Variants in LINGO1 observed in about 807,000 individuals in gnomAD.
LINGO1 encodes the protein leucine rich repeat and Ig domain containing 1, also known as leucine-rich repeat and immunoglobulin-like domain-containing nogo receptor-interacting protein 1.
In LINGO1, 11 loss-of-function variants were observed where a neutral mutation model predicts 37.3. The observed-to-expected ratio is 0.29, with a 90% CI of 0.19 to 0.49. The LOEUF (loss-of-function observed/expected upper bound fraction) is 0.49, where lower values mean the gene tolerates loss of function less well. LINGO1 is among the 20% of genes least tolerant of loss of function. The pLI, the probability that LINGO1 is intolerant of heterozygous loss-of-function variation, is 0.99. For missense variants in LINGO1, 585 were observed against 878.2 expected (o/e 0.67, Z 4.22); for synonymous variants, 387 against 403.0 (o/e 0.96, Z 0.48).
chr15:77,696,687 G>A (rs2075699394), upstream of LINGO1, among the ~76,000 whole-genome samples: 1 of 152,182 alleles, frequency 6.6e-6, no homozygotes, highest in African/African-American at 2.4e-5. Context: ...TCACACCCTG[G>A]GCACCTACAG....
chr15:77,798,570 T>A (rs1228923551), intron 1 of LINGO1, among the ~76,000 whole-genome samples: 2 of 152,162 alleles, frequency 1.3e-5, no homozygotes, highest in African/African-American at 4.8e-5. Context: ...AGGCAGAGCG[T>A]GACAATGATT....
chr15:77,670,137 C>G (rs1295177024), intron 3 of LINGO1, among the ~76,000 whole-genome samples: 1 of 152,120 alleles, frequency 6.6e-6, no homozygotes, highest in Admixed American at 6.5e-5. Flanking sequence ...TATGAAATGT[C>G]TAGAATATGC....
intron 2 of LINGO1, among the ~76,000 whole-genome samples, chr15:77,723,170 A>T (rs1596156995): frequency 1.6e-5 from 2 of 122,108 alleles, no homozygotes; most frequent in South Asian, 6.1e-4. Context: ...CCAGACAGGC[A>T]CTGAGGGGAG....
intron 3 of LINGO1, among the ~76,000 whole-genome samples, chr15:77,645,492 G>A (rs1258202815): frequency 6.6e-6 from 1 of 150,988 alleles, no homozygotes; most frequent in African/African-American, 2.5e-5. Context: ...TGAAGGTAGA[G>A]CGAGGTGGAC....
rs2076653137 is a variant in LINGO1, at chr15:77,776,530, G to GGAAGGCAGGA, written c.-257+10338_-257+10339insTCCTGCCTTC. 1.8e-3 allele frequency among the ~76,000 whole-genome samples: 61 copies of GGAAGGCAGGA among 34,364 alleles called. 1 individual carries two copies. Among genetic ancestry groups the GGAAGGCAGGA allele is most frequent in the East Asian group, 0.012 (17 of 1,434 alleles). 22.5% of individuals were successfully genotyped at this position (34,364 alleles called of 152,430 possible). On this transcript the variant is annotated intron_variant, in intron 1 of 3. Transcript: ENST00000561686. The stretch of plus-strand genomic sequence containing the variant: ...GCAGGAAGGCAGGAAGGGAGGAAGG[G>GGAAGGCAGGA]AGGGAGGGAGGGAGGGAGGGAGGGA...
At chr15:77,745,656 G>A (rs1596182467) in intron 1 of LINGO1, among the ~76,000 whole-genome samples, 1 of 152,154 alleles carries the variant, frequency 6.6e-6, no homozygotes, top group African/African-American at 2.4e-5. Flanking sequence ...TGCTGCGGAC[G>A]AGACCCTGTG....
intron 1 of LINGO1, among the ~76,000 whole-genome samples, chr15:77,767,276 A>C (rs2076539796): frequency 6.6e-6 from 1 of 152,214 alleles, no homozygotes; most frequent in Non-Finnish European, 1.5e-5. Flanking sequence ...CCAGCACTGT[A>C]AGCAATGACT....
chr15:77,807,705 TC>T (rs967462204), intron 1 of LINGO1, among the ~76,000 whole-genome samples: 1 of 152,126 alleles, frequency 6.6e-6, no homozygotes, highest in Non-Finnish European at 1.5e-5. Flanking sequence ...TGGTGGATTT[TC>T]CCCTTTCCTC....
At chr15:77,617,983 A>G (rs1403675658) in intron 1 of LINGO1, among the ~76,000 whole-genome samples, 1 of 151,674 alleles carries the variant, frequency 6.6e-6, no homozygotes, top group Non-Finnish European at 1.5e-5. Flanking sequence ...GCTTCTCCCC[A>G]CCCGACCCCC....
intron 3 of LINGO1, among the ~76,000 whole-genome samples, chr15:77,653,070 G>A (rs892841829): frequency 2.6e-5 from 4 of 152,246 alleles, no homozygotes; most frequent in Non-Finnish European, 4.4e-5. Context: ...CAAAGGTGGG[G>A]ACACGGACAT....
chr15:77,619,166 T>C lies in LINGO1; in HGVS notation c.7-3266A>G, dbSNP rs140929041. On this transcript the variant is annotated intron_variant, in intron 1 of 1. Transcript: ENST00000355300. The stretch of plus-strand genomic sequence containing the variant: ...AATGTAATCCTGGTTCAGTCATGGG[T>C]GTGTGTGTCTCACCTGCTAGAGAGT... Among the ~76,000 whole-genome samples, 1,300 of 150,754 alleles carry C rather than the reference T, an allele frequency of 8.6e-3. 7 individuals are homozygous for C. The highest frequency in any genetic ancestry group is 0.017 in the Middle Eastern group (5 of 294).
chr15:77,659,631 T>C (rs1044129575), intron 3 of LINGO1, among the ~76,000 whole-genome samples: 1 of 152,172 alleles, frequency 6.6e-6, no homozygotes. Context: ...GTCCCTGGGC[T>C]CCTGCCTACA....
At chr15:77,672,320 GC>G (rs999139069) in intron 3 of LINGO1, among the ~76,000 whole-genome samples, 3 of 151,340 alleles carry the variant, frequency 2.0e-5, no homozygotes, top group African/African-American at 7.3e-5. Context: ...CATCACACCA[GC>G]CCCCACTCAG....
At position 77,614,653 on chromosome 15, in the gene LINGO1, G is replaced by A; in HGVS notation, c.1254C>T (p.Tyr418=). 1 of 1,612,016 alleles carries A rather than the reference G, an allele frequency of 6.2e-7. No individual in the cohort carries two copies. Among genetic ancestry groups the A allele is most frequent in the South Asian group, 1.1e-5 (1 of 90,812 alleles). Residue 418 remains tyrosine (Y), a synonymous_variant, in exon 2 of 2, where the codon TAC becomes TAT. Transcript: ENST00000355300. The stretch of plus-strand genomic sequence containing the variant: ...GGATGCGGGCGCGGCGGCAGGTGAA[G>A]TAGTTGGGCAGTAGCACATCAGGGA... ...KDFPDVLLPN[Y]FTCRRARIRD...
At chr15:77,810,176 C>A (rs2076992120) in intron 1 of LINGO1, among the ~76,000 whole-genome samples, 1 of 151,970 alleles carries the variant, frequency 6.6e-6, no homozygotes, top group Admixed American at 6.6e-5. Context: ...TCCTCCCTAA[C>A]CTGCACAGCT....
At chr15:77,645,502 C>T (rs2074605838) in intron 3 of LINGO1, among the ~76,000 whole-genome samples, 3 of 152,204 alleles carry the variant, frequency 2.0e-5, no homozygotes, top group Non-Finnish European at 4.4e-5. Context: ...GCGAGGTGGA[C>T]GTGCACGCCT....
intron 1 of LINGO1, among the ~76,000 whole-genome samples, chr15:77,763,632 C>T (rs1396529659): frequency 1.3e-5 from 2 of 152,116 alleles, no homozygotes; most frequent in East Asian, 3.9e-4. Context: ...CACCTGAGAG[C>T]ACCTTTCTGG....
At chr15:77,812,713 T>C (rs568020860) in intron 1 of LINGO1, among the ~76,000 whole-genome samples, 2 of 152,352 alleles carry the variant, frequency 1.3e-5, no homozygotes, top group East Asian at 3.9e-4. Context: ...GGATCAATAA[T>C]GGAGATTTAT....
chr15:77,765,413 T>C (rs2076518103), intron 1 of LINGO1, among the ~76,000 whole-genome samples: 7 of 136,838 alleles, frequency 5.1e-5, no homozygotes, highest in Admixed American at 3.6e-4. Flanking sequence ...AGACTGTGTC[T>C]CAAAAAAAAA....
Sources: gnomAD v4.1 joint callset for allele counts (sites outside exome capture counted in the v4.1 genomes callset) on GRCh38, gnomAD v4.1.1 for gene constraint, MANE v1.5 for transcripts, NCBI Gene and HGNC (gene_info 2026-07-23, HGNC 2026-07-21) for gene names.